Variants in PMS1 observed in about 807,000 individuals in gnomAD.
PMS1 encodes PMS1 homolog 1, mismatch repair system component, also known as PMS1 protein homolog 1.
Under a neutral mutation model 93.1 loss-of-function variants are expected in PMS1, and 79 were observed. That is an observed-to-expected ratio of 0.85 (90% CI 0.71 to 1.02). The LOEUF is 1.02. Among genes scored for constraint, PMS1 ranks in the 50% least tolerant of loss-of-function variants. The probability of loss-of-function intolerance (pLI) is 0.00; values close to 1 mark genes in which losing one functional copy is unlikely to be tolerated. For missense variants in PMS1, 1,064 were observed against 1,085.3 expected (o/e 0.98, Z 0.28); for synonymous variants, 335 against 363.4 (o/e 0.92, Z 0.89).
chr2:189,836,005 G>A (rs2053356099), intron 5 of PMS1, among the ~76,000 whole-genome samples: 1 of 150,208 alleles, frequency 6.7e-6, no homozygotes. Context: ...CCTACAATTT[G>A]CAAGAATTTT....
At chr2:189,823,446 C>G (rs1324749288) in intron 5 of PMS1, among the ~76,000 whole-genome samples, 2 of 151,754 alleles carry the variant, frequency 1.3e-5, no homozygotes, top group Non-Finnish European at 2.9e-5. Flanking sequence ...TCAACAGGCC[C>G]CGGTGTGTGA....
chr2:189,822,450 T>G (rs867788617), intron 5 of PMS1, among the ~76,000 whole-genome samples: 29 of 118,220 alleles, frequency 2.5e-4, no homozygotes, highest in South Asian at 2.2e-3. Context: ...AAATAGAGGG[T>G]TTTTTTTTAA....
rs1367090018 is a variant in PMS1, at chr2:189,791,837, C to T, written c.28C>T (p.Arg10Ter). MKQLPAATVRLLSSSQIITS... is the reference protein window; with the variant it reads MKQLPAATV ...GAAACAATTGCCTGCGGCAACAGTT[C>T]GACTCCTTTCAAGTTCTCAGATCAT... Residue 10 changes from arginine to a stop codon, truncating the protein, a stop_gained, in exon 2 of 13, where the codon CGA becomes TGA. Transcript: ENST00000441310. LOFTEE classifies it high-confidence loss of function. 6.2e-7 allele frequency: 1 copy of T among 1,613,898 alleles called. No individual in the cohort carries two copies. The highest frequency in any genetic ancestry group is 8.5e-7 in the Non-Finnish European group (1 of 1,179,828).
rs55956225 is a variant in PMS1 at position 189,868,066 on chromosome 2, C to A, written c.2473+137C>A. The A allele has an allele frequency of 1.5e-3, 1,110 of 751,804 alleles. 9 individuals carry two copies. In the African/African-American group the frequency reaches 0.017, roughly 12 times the overall value. The allele number at this position is 751,804 out of a possible 1,614,324, so 46.6% of individuals were successfully genotyped here. A position where few individuals can be genotyped will look rare whatever the true frequency, so the allele number is the denominator to read the frequency against. ...AAGTACAGTGTCAGCTATGTTAAAA[C>A]ATTTTTTTCAAAACATCACCTCTGC... On this transcript the variant is annotated intron_variant, in intron 11 of 12. Transcript: ENST00000441310.
chr2:189,823,856 T>C (rs1170485870), intron 5 of PMS1, among the ~76,000 whole-genome samples: 12 of 152,194 alleles, frequency 7.9e-5, no homozygotes, highest in African/African-American at 1.9e-4. Context: ...TTCCCACATA[T>C]AAAGTCAGGC....
rs1268243123 is a variant in PMS1, at chr2:189,877,463, C to T, written c.*27C>T. Reference sequence around the variant, plus strand: ...TAAATATGTTTAAGAAGATTAGTTACCATTGAAATTGGTTCTGTCATAAAA... The same window carrying T: ...TAAATATGTTTAAGAAGATTAGTTATCATTGAAATTGGTTCTGTCATAAAA... On this transcript the variant is annotated 3_prime_UTR_variant, in exon 13 of 13. Transcript: ENST00000441310. 1 of 1,514,854 alleles carries T rather than the reference C, an allele frequency of 6.6e-7. No homozygotes were observed. Among genetic ancestry groups the T allele is most frequent in the Non-Finnish European group, 9.2e-7 (1 of 1,091,364 alleles). The allele number at this position is 1,514,854 out of a possible 1,614,324, so 93.8% of individuals were successfully genotyped here.
chr2:189,844,134 C>T (rs2054044733), intron 6 of PMS1, 54 bp downstream of exon 6: 3 of 1,608,214 alleles, frequency 1.9e-6, no homozygotes, highest in Admixed American at 1.7e-5. Flanking sequence ...AAGCTGTTCA[C>T]ATATTTCCCT....
At chr2:189,785,993 T>C (rs1222898962) in intron 1 of PMS1, among the ~76,000 whole-genome samples, 2 of 152,022 alleles carry the variant, frequency 1.3e-5, no homozygotes, top group East Asian at 1.9e-4. Context: ...GGCGTGGTAG[T>C]GCGCTCCTGT....
At chr2:189,844,919 G>C (rs1463878293) in intron 6 of PMS1, among the ~76,000 whole-genome samples, 5 of 151,548 alleles carry the variant, frequency 3.3e-5, no homozygotes, top group East Asian at 3.9e-4. Context: ...GTGCAGTGGT[G>C]GGATCTCAGC....
chr2:189,833,552 A>T (rs1431800524), intron 5 of PMS1, among the ~76,000 whole-genome samples: 3 of 152,186 alleles, frequency 2.0e-5, no homozygotes, highest in African/African-American at 7.2e-5. Context: ...ATTGCACTCC[A>T]GCCTGGTGAC....
chr2:189,875,204 T>A (rs2106553734), intron 12 of PMS1, among the ~76,000 whole-genome samples: 1 of 150,312 alleles, frequency 6.7e-6, no homozygotes, highest in East Asian at 1.9e-4. Flanking sequence ...TAATAATTGC[T>A]AGAAGACTAT....
At chr2:189,851,040 A>G (rs867084041) in intron 6 of PMS1, among the ~76,000 whole-genome samples, 1 of 152,204 alleles carries the variant, frequency 6.6e-6, no homozygotes, top group Middle Eastern at 3.4e-3. Context: ...TCTAATTTTC[A>G]ATTTTGTTGC....
intron 1 of PMS1, among the ~76,000 whole-genome samples, chr2:189,787,607 T>TA (rs1019900948): frequency 2.0e-5 from 3 of 151,356 alleles, no homozygotes; most frequent in African/African-American, 7.3e-5. Flanking sequence ...TTTTTTATTT[T>TA]TTTTTTAGCT....
intron 11 of PMS1, among the ~76,000 whole-genome samples, chr2:189,870,299 G>A (rs973551163): frequency 6.6e-6 from 1 of 152,166 alleles, no homozygotes; most frequent in African/African-American, 2.4e-5. Flanking sequence ...ATTTGAAAGA[G>A]AAGGAATACA....
chr2:189,807,779 A>G (rs1054344446), intron 4 of PMS1, among the ~76,000 whole-genome samples: 4 of 152,248 alleles, frequency 2.6e-5, no homozygotes, highest in African/African-American at 9.6e-5. Context: ...TCTGTAGTCA[A>G]CAAATGAACT....
Position 189,805,727 on chromosome 2 carries a change from T to C in PMS1, c.391T>C (p.Ser131Pro). 3 of 1,613,918 alleles carry C rather than the reference T, an allele frequency of 1.9e-6. No homozygotes were observed. The highest frequency in any genetic ancestry group is 2.5e-6 in the Non-Finnish European group (3 of 1,179,898). ...YVLDGSGHIL[S>P]QKPSHLGQGT... ...TTTAGATGGCAGTGGCCACATACTT[T>C]CTCAGAAACCTTCACATCTTGGTCA... Residue 131 changes from serine to proline, a missense_variant, in exon 4 of 13, where the codon TCT (serine) becomes CCT (proline). Ser to Pro is a moderately conservative substitution (Grantham distance 74, BLOSUM62 -1). Coordinates refer to ENST00000441310, the MANE Select transcript of PMS1 (RefSeq NM_000534.5).
chr2:189,854,089 CTT>C lies in PMS1; in HGVS notation c.966+10_966+11del. The C allele has an allele frequency of 1.3e-6, 2 of 1,565,226 alleles. No homozygotes were observed. The highest frequency in any genetic ancestry group is 2.3e-5 in the East Asian group (1 of 44,188). On this transcript the variant is annotated splice_region_variant and intron_variant, in intron 8 of 12. Transcript: ENST00000441310. ...AGTATTATTACAAAATAAGGTAACT[CTT>C]TTCAGATAATTTTTTCTTATGCTAT...
intron 3 of PMS1, among the ~76,000 whole-genome samples, chr2:189,800,256 G>C (rs879558723): frequency 2.6e-5 from 4 of 152,078 alleles, no homozygotes; most frequent in African/African-American, 9.7e-5. Context: ...TCCGTGGTAG[G>C]TTATATTACC....
At chr2:189,853,434 G>A (rs1181130130) in intron 7 of PMS1, among the ~76,000 whole-genome samples, 1 of 151,818 alleles carries the variant, frequency 6.6e-6, no homozygotes, top group South Asian at 2.1e-4. Flanking sequence ...TTGCATGTTT[G>A]TACTTGTTTT....
Sources: allele counts gnomAD v4.1 joint callset (sites outside exome capture counted in the v4.1 genomes callset), GRCh38; gene constraint gnomAD v4.1.1; transcripts MANE v1.5; gene names NCBI Gene and HGNC (gene_info 2026-07-23, HGNC 2026-07-21).